TMTC4: variants seen among roughly 807,000 people sequenced by gnomAD.
TMTC4 encodes the protein protein O-mannosyl-transferase TMTC4.
TMTC4 carries 65 observed loss-of-function variants against 86.0 expected under a neutral mutation model. That is an observed-to-expected ratio of 0.76 (90% CI 0.62 to 0.93). The LOEUF (loss-of-function observed/expected upper bound fraction) is 0.93. Ranked by LOEUF, TMTC4 falls within the 40% of genes least tolerant of loss-of-function variation. The pLI, the probability that TMTC4 is intolerant of heterozygous loss-of-function variation, is 0.00. For synonymous variants in TMTC4, 379 were observed against 382.5 expected (o/e 0.99, Z 0.11); for missense variants, 866 against 948.1 (o/e 0.91, Z 1.14).
chr13:100,652,991 G>C (rs1016153469), intron 6 of TMTC4, among the ~76,000 whole-genome samples: 1 of 152,170 alleles, frequency 6.6e-6, no homozygotes. Flanking sequence ...TACTATTTTA[G>C]AACAGAATCA....
intron 12 of TMTC4, 134 bp downstream of exon 12, chr13:100,634,671 A>G (rs1881938959): frequency 8.5e-7 from 1 of 1,180,936 alleles, no homozygotes; most frequent in Admixed American, 2.7e-5. Context: ...AACCATACAT[A>G]ACAAAGAAAA....
intron 6 of TMTC4, among the ~76,000 whole-genome samples, chr13:100,644,346 G>A (rs994824734): frequency 5.3e-5 from 8 of 151,920 alleles, no homozygotes; most frequent in East Asian, 2.0e-4. Context: ...CTCATGATCC[G>A]CCTACCTTGG....
rs1427808056 is a variant in TMTC4 at position 100,604,832 on chromosome 13, T to C, written c.*162A>G. The C allele has an allele frequency of 6.2e-6, 4 of 649,288 alleles. No homozygotes were observed. The highest frequency in any genetic ancestry group is 9.3e-6 in the Non-Finnish European group (4 of 427,892). The allele number at this position is 649,288 out of a possible 1,614,324, so 40.2% of individuals were successfully genotyped here. On this transcript the variant is annotated 3_prime_UTR_variant, in exon 19 of 19. Transcript: ENST00000342624. Reference sequence around the variant, plus strand: ...AAATCATATCACGCATTCAAGAGTATATTGCTGGTGCTATAATCTTTTTGC... The same window carrying C: ...AAATCATATCACGCATTCAAGAGTACATTGCTGGTGCTATAATCTTTTTGC...
chr13:100,612,722 A>G (rs1403387478), intron 16 of TMTC4, among the ~76,000 whole-genome samples: 2 of 151,678 alleles, frequency 1.3e-5, no homozygotes, highest in African/African-American at 4.8e-5. Context: ...AGCCACTGCA[A>G]TTCAGCACAT....
upstream of TMTC4, chr13:100,675,049 G>A: frequency 2.0e-6 from 2 of 985,746 alleles, no homozygotes; most frequent in Non-Finnish European, 2.4e-6. Context: ...CGGCGAAGGA[G>A]GCGCAGGGAC....
At position 100,656,444 on chromosome 13, in the gene TMTC4, C is replaced by G. The variant is rs9554716; in HGVS notation, c.577G>C (p.Asp193His). The change falls in exon 6 of 19, where the codon GAC (aspartate) becomes CAC (histidine). Residue 193 changes from aspartate (D) to histidine (H), a missense_variant. Asp to His is a moderately conservative substitution (Grantham distance 81). Transcript: ENST00000342624. Reference protein sequence around the residue: ...ECVAGVVGRADLLCALFFLLS... With the variant: ...ECVAGVVGRAHLLCALFFLLS... ...AAGAAGAACAGGGCACACAGGAGGT[C>G]TGCACGGCCGACAACACCAGCAACC... 6.2e-7 allele frequency: 1 copy of G among 1,612,014 alleles called. No homozygotes were observed. Among genetic ancestry groups the G allele is most frequent in the South Asian group, 1.1e-5 (1 of 90,720 alleles).
At chr13:100,652,574 C>T in intron 6 of TMTC4, among the ~76,000 whole-genome samples, 1 of 152,046 alleles carries the variant, frequency 6.6e-6, no homozygotes, top group East Asian at 1.9e-4. Flanking sequence ...TATATATACA[C>T]CTGAATTTTC....
At position 100,668,664 on chromosome 13, in the gene TMTC4, A is replaced by C; in HGVS notation, c.134T>G (p.Val45Gly). 1 of 1,614,222 alleles carries C rather than the reference A, an allele frequency of 6.2e-7. No individual in the cohort carries two copies. Residue 45 changes from valine to glycine, a missense_variant, in exon 3 of 19, where the codon GTG becomes GGG. Coordinates refer to ENST00000342624, the MANE Select transcript of TMTC4 (RefSeq NM_032813.5). ...VLPPFWAKLV[V>G]GSVAIVCFAR... is the part of the protein sequence containing the mutation. ...AAAACACACAATGGCAACCGATCCC[A>C]CTACTAACTTAGCCCAGAATGGAGG...
intron 17 of TMTC4, among the ~76,000 whole-genome samples, chr13:100,610,056 G>A (rs969917960): frequency 6.6e-5 from 10 of 152,226 alleles, no homozygotes; most frequent in Admixed American, 3.9e-4. Context: ...CAGCAATGGA[G>A]ATACAAAACT....
Position 100,622,219 on chromosome 13 carries a change from T to C in TMTC4, c.1836+3316A>G, listed in dbSNP as rs142256726. ...ATTAATCTTCCTTGTTCAAGCATCA[T>C]GCCATTCCATGAGTTCAGCCACATT... On this transcript the variant is annotated intron_variant, in intron 15 of 18. Coordinates refer to ENST00000342624, the MANE Select transcript of TMTC4 (RefSeq NM_032813.5). Among the ~76,000 whole-genome samples, 19 of 152,352 alleles carry C rather than the reference T, an allele frequency of 1.2e-4. No individual in the cohort carries two copies. The East Asian group carries it at 3.5e-3, about 28-fold the overall frequency.
intron 17 of TMTC4, among the ~76,000 whole-genome samples, chr13:100,610,844 G>GACCTGTCCCCA (rs1877449615): frequency 6.6e-6 from 1 of 152,176 alleles, no homozygotes; most frequent in Non-Finnish European, 1.5e-5. Context: ...TGAGACTTGG[G>GACCTGTCCCCA]ACCTGTCCCA....
intron 12 of TMTC4, among the ~76,000 whole-genome samples, chr13:100,633,141 G>A (rs536056396): frequency 1.1e-3 from 164 of 151,826 alleles, no homozygotes; most frequent in African/African-American, 3.6e-3. Flanking sequence ...GTGAAACCCC[G>A]TCTCTACTAA....
chr13:100,651,060 G>A (rs553628755), intron 6 of TMTC4, among the ~76,000 whole-genome samples: 17 of 152,282 alleles, frequency 1.1e-4, no homozygotes, highest in Non-Finnish European at 2.1e-4. Context: ...TTATGAGTAA[G>A]AATTTAGAAC....
At chr13:100,652,583 T>TC (rs1254938567) in intron 6 of TMTC4, among the ~76,000 whole-genome samples, 11 of 152,190 alleles carry the variant, frequency 7.2e-5, no homozygotes, top group Non-Finnish European at 1.3e-4. Context: ...ACCTGAATTT[T>TC]CATTAGGATC....
At chr13:100,668,906 T>C (rs1886731564) in intron 2 of TMTC4, 112 bp from the exon 3 acceptor site, 3 of 1,116,180 alleles carry the variant, frequency 2.7e-6, no homozygotes, top group African/African-American at 3.1e-5. Flanking sequence ...TTTTATAGGA[T>C]GTGATCAGTA....
chr13:100,653,950 G>A (rs2791676), intron 6 of TMTC4, among the ~76,000 whole-genome samples: 107,948 of 151,552 alleles, frequency 0.71, 39,486 homozygotes, highest in East Asian at 0.99. Context: ...AGACCAAAGA[G>A]GCTGTTGGTG....
intron 15 of TMTC4, among the ~76,000 whole-genome samples, chr13:100,617,526 A>G (rs1878701357): frequency 6.6e-6 from 1 of 152,146 alleles, no homozygotes; most frequent in Non-Finnish European, 1.5e-5. Context: ...GTAGGGGTCC[A>G]GTTTCACTCT....
chr13:100,614,623 T>TA (rs1878183322), intron 15 of TMTC4, among the ~76,000 whole-genome samples, 193 bp from the exon 16 acceptor site: 2 of 152,120 alleles, frequency 1.3e-5, no homozygotes, highest in South Asian at 4.1e-4. Flanking sequence ...ACCAATGAAG[T>TA]AAATACTATT....
rs1885148988 is a variant in TMTC4 at position 100,656,575 on chromosome 13, C to T, written c.553-107G>A. 6 of 525,524 alleles carry T rather than the reference C, an allele frequency of 1.1e-5. 1 individual carries two copies. Among genetic ancestry groups the T allele is most frequent in the African/African-American group, 5.5e-5 (2 of 36,526 alleles). 32.6% of individuals were successfully genotyped at this position (525,524 alleles called of 1,614,324 possible). A position where few individuals can be genotyped will look rare whatever the true frequency, so the allele number is the denominator to read the frequency against. Reference sequence around the variant, plus strand: ...TTTTTTTTTTTGCGACAGGGTCTCACTCTGCCACCCAGGCTGGAGTGCAGC... The same window carrying T: ...TTTTTTTTTTTGCGACAGGGTCTCATTCTGCCACCCAGGCTGGAGTGCAGC... On this transcript the variant is annotated intron_variant, in intron 5 of 18. Coordinates refer to ENST00000342624, the MANE Select transcript of TMTC4 (RefSeq NM_032813.5).
Sources: gnomAD v4.1 joint callset for allele counts (sites outside exome capture counted in the v4.1 genomes callset) on GRCh38, gnomAD v4.1.1 for gene constraint, MANE v1.5 for transcripts, NCBI Gene and HGNC (gene_info 2026-07-23, HGNC 2026-07-21) for gene names.